Variants in KBTBD2 observed in about 807,000 individuals in gnomAD.
KBTBD2 encodes the protein kelch repeat and BTB domain containing 2.
In KBTBD2, 17 loss-of-function variants were observed where a neutral mutation model predicts 57.1. That is an observed-to-expected ratio of 0.30 (90% CI 0.20 to 0.45). KBTBD2 has a LOEUF of 0.45. Ranked by LOEUF, KBTBD2 falls within the 20% of genes least tolerant of loss-of-function variation. The pLI, the probability that KBTBD2 is intolerant of heterozygous loss-of-function variation, is 1.00. For missense variants in KBTBD2, 515 were observed against 750.6 expected (o/e 0.69, Z 3.67); for synonymous variants, 267 against 262.7 (o/e 1.02, Z -0.16).
chr7:32,869,832 G>A lies in KBTBD2; in HGVS notation c.1385C>T (p.Ala462Val), dbSNP rs1411408985. 1 of 1,613,690 alleles carries A rather than the reference G, an allele frequency of 6.2e-7. No homozygotes were observed. Among genetic ancestry groups the A allele is most frequent in the Non-Finnish European group, 8.5e-7 (1 of 1,179,994 alleles). ...MAMRQTSRSF[A>V]SAAAFGDKIF... is the part of the protein sequence containing the mutation. ...TTTATCACCAAAAGCTGCAGCTGAA[G>A]CAAAGGACCTACTAGTCTGTCTCAT... The change falls in exon 4 of 4, where the codon GCT becomes GTT. Residue 462 changes from alanine (A) to valine (V), a missense_variant. Ala to Val is a moderately conservative substitution (Grantham distance 64). Coordinates refer to ENST00000304056, the MANE Select transcript of KBTBD2 (RefSeq NM_015483.3).
chr7:32,873,164 CTT>C (rs1043972962), intron 3 of KBTBD2, among the ~76,000 whole-genome samples: 50 of 152,204 alleles, frequency 3.3e-4, no homozygotes, highest in African/African-American at 1.2e-3. Context: ...GAAAAAAACT[CTT>C]ATATTCCTCT....
chr7:32,869,370 T>A lies in KBTBD2; in HGVS notation c.1847A>T (p.Glu616Val). Residue 616 changes from glutamate to valine, a missense_variant, in exon 4 of 4, where the codon GAA becomes GTA. By Grantham distance (121) the Glu-to-Val change is moderately radical. Transcript: ENST00000304056. ...DGTEEFELDG[E>V]MVALPPV ...CTATACAGGTGGTAGTGCAACCATT[T>A]CTCCATCCAGTTCAAACTCTTCTGT... 1 of 1,612,452 alleles carries A rather than the reference T, an allele frequency of 6.2e-7. No individual in the cohort carries two copies. Among genetic ancestry groups the A allele is most frequent in the South Asian group, 1.1e-5 (1 of 90,846 alleles).
chr7:32,884,717 A>G (rs913219180), intron 1 of KBTBD2, among the ~76,000 whole-genome samples: 1 of 151,764 alleles, frequency 6.6e-6, no homozygotes, highest in Middle Eastern at 3.2e-3. Context: ...AAATAGTAAT[A>G]ATAATAAAAC....
chr7:32,875,401 G>A (rs1784287862), intron 2 of KBTBD2, among the ~76,000 whole-genome samples: 1 of 152,056 alleles, frequency 6.6e-6, no homozygotes, highest in African/African-American at 2.4e-5. Context: ...CCAAGTAGCT[G>A]GGACTACAGG....
At chr7:32,882,880 G>C (rs1466478430) in intron 1 of KBTBD2, among the ~76,000 whole-genome samples, 2 of 152,078 alleles carry the variant, frequency 1.3e-5, no homozygotes, top group Non-Finnish European at 2.9e-5. Flanking sequence ...AGCTACCCAG[G>C]AAGCTGAGGC....
chr7:32,884,476 G>A (rs574397290), intron 1 of KBTBD2, among the ~76,000 whole-genome samples: 15 of 151,038 alleles, frequency 9.9e-5, no homozygotes, highest in Non-Finnish European at 1.8e-4. Flanking sequence ...GATCACCTGA[G>A]TTCAGGAGAT....
At position 32,870,042 on chromosome 7, in the gene KBTBD2, C is replaced by T. The variant is rs754689803; in HGVS notation, c.1175G>A (p.Gly392Glu). The change falls in exon 4 of 4, where the codon GGA becomes GAA. Residue 392 changes from glycine to glutamate, a missense_variant. Coordinates refer to ENST00000304056, the MANE Select transcript of KBTBD2 (RefSeq NM_015483.3). The stretch of plus-strand genomic sequence containing the variant: ...TTCTACGGTCCTCCGATTAAGTTCT[C>T]CACCTACGCTATCTCCTCCAATTGC... ...IYAIGGDSVG[G>E]ELNRRTVERY... The T allele has an allele frequency of 6.2e-7, 1 of 1,614,184 alleles. No individual in the cohort carries two copies. Among genetic ancestry groups the T allele is most frequent in the South Asian group, 1.1e-5 (1 of 91,086 alleles).
chr7:32,879,773 T>TA lies in KBTBD2; in HGVS notation c.-170dup, dbSNP rs1784403195. 1 of 592,170 alleles carries TA rather than the reference T, an allele frequency of 1.7e-6. No homozygotes were observed. The highest frequency in any genetic ancestry group is 2.9e-4 in the Middle Eastern group (1 of 3,430). The allele number at this position is 592,170 out of a possible 1,614,324, so 36.7% of individuals were successfully genotyped here. A position where few individuals can be genotyped will look rare whatever the true frequency, so the allele number is the denominator to read the frequency against. On this transcript the variant is annotated 5_prime_UTR_variant, in exon 2 of 4. Coordinates refer to ENST00000304056, the MANE Select transcript of KBTBD2 (RefSeq NM_015483.3). Reference sequence around the variant, plus strand: ...TGAGTAATATCTTGTTACACAGACTTAGAATCACTCCTAGGTCATCCTGTG... The same window carrying TA: ...TGAGTAATATCTTGTTACACAGACTTAAGAATCACTCCTAGGTCATCCTGTG...
intron 1 of KBTBD2, among the ~76,000 whole-genome samples, chr7:32,890,510 G>A (rs368711857): frequency 9.2e-5 from 14 of 152,188 alleles, no homozygotes; most frequent in African/African-American, 3.4e-4. Context: ...GGAAGAGGGG[G>A]AAGATCCCTG....
chr7:32,872,144 G>A (rs918848968), intron 3 of KBTBD2, among the ~76,000 whole-genome samples: 1 of 152,042 alleles, frequency 6.6e-6, no homozygotes, highest in African/African-American at 2.4e-5. Context: ...AGACTGCAGT[G>A]AGCTATCACC....
chr7:32,875,465 C>T (rs1275540868), intron 2 of KBTBD2, among the ~76,000 whole-genome samples: 1 of 151,988 alleles, frequency 6.6e-6, no homozygotes, highest in African/African-American at 2.4e-5. Context: ...GAGACAAGGC[C>T]TCCCTATGTT....
intron 3 of KBTBD2, among the ~76,000 whole-genome samples, chr7:32,872,292 T>G (rs1188412629): frequency 2.6e-5 from 4 of 152,126 alleles, no homozygotes; most frequent in African/African-American, 9.7e-5. Flanking sequence ...CCGTTCAAGT[T>G]TGGAATTACT....
At chr7:32,873,821 T>C (rs979062657) in intron 3 of KBTBD2, among the ~76,000 whole-genome samples, 2 of 152,224 alleles carry the variant, frequency 1.3e-5, no homozygotes, top group African/African-American at 4.8e-5. Context: ...TTTTCACCTA[T>C]CTCTTTTATT....
At chr7:32,882,464 C>T (rs1181348736) in intron 1 of KBTBD2, among the ~76,000 whole-genome samples, 2 of 152,066 alleles carry the variant, frequency 1.3e-5, no homozygotes, top group Non-Finnish European at 2.9e-5. Flanking sequence ...GATTTTTTAT[C>T]GTATCCATGA....
chr7:32,869,328 C>G lies in KBTBD2; in HGVS notation c.*17G>C. The G allele has an allele frequency of 6.4e-7, 1 of 1,555,522 alleles. No individual in the cohort carries two copies. Among genetic ancestry groups the G allele is most frequent in the South Asian group, 1.2e-5 (1 of 84,500 alleles). ...ACAAAGCACATAACTCAGGCGTGCA[C>G]TCCCTGAACTTCCCCACTATACAGG... On this transcript the variant is annotated 3_prime_UTR_variant, in exon 4 of 4. Transcript: ENST00000304056.
chr7:32,884,998 A>ATGTG (rs761792649), intron 1 of KBTBD2, among the ~76,000 whole-genome samples: 16 of 79,128 alleles, frequency 2.0e-4, no homozygotes, highest in African/African-American at 3.2e-4. Context: ...ATACACATAT[A>ATGTG]TGTGTATATA....
intron 1 of KBTBD2, 107 bp from the exon 2 acceptor site, chr7:32,880,049 C>T (rs1431530855): frequency 6.6e-6 from 1 of 152,436 alleles, no homozygotes; most frequent in Non-Finnish European, 1.5e-5. Context: ...TCAAGTTCAA[C>T]TTTAGACATT....
intron 1 of KBTBD2, among the ~76,000 whole-genome samples, chr7:32,886,140 C>A (rs1399353150): frequency 6.6e-6 from 1 of 152,054 alleles, no homozygotes; most frequent in Non-Finnish European, 1.5e-5. Context: ...AAACTCTTGA[C>A]CTCAGGTGAT....
intron 2 of KBTBD2, among the ~76,000 whole-genome samples, chr7:32,878,898 T>C (rs570494552): frequency 4.6e-5 from 7 of 152,190 alleles, no homozygotes; most frequent in African/African-American, 1.4e-4. Context: ...TTCAGAGGCA[T>C]AGAGAACACC....
Sources: allele counts gnomAD v4.1 joint callset (sites outside exome capture counted in the v4.1 genomes callset), GRCh38; gene constraint gnomAD v4.1.1; transcripts MANE v1.5; gene names NCBI Gene and HGNC (gene_info 2026-07-23, HGNC 2026-07-21).